Variants in MARCHF1 observed in about 807,000 individuals in gnomAD.
The protein encoded by MARCHF1 is E3 ubiquitin-protein ligase MARCHF1.
A neutral mutation model predicts 54.2 loss-of-function variants in MARCHF1; 40 were observed. The observed-to-expected ratio is 0.74, with a 90% confidence interval of 0.57 to 0.96. The LOEUF is 0.96. MARCHF1 is among the 40% of genes least tolerant of loss of function. MARCHF1 has a pLI of 0.00. For synonymous variants in MARCHF1, 236 were observed against 236.3 expected, an observed-to-expected ratio of 1.00 and a Z score of 0.01; for missense variants, 586 against 656.5, an observed-to-expected ratio of 0.89 and a Z score of 1.17.
chr4:163,967,643 C>CTGG, intron 3 of MARCHF1, among the ~76,000 whole-genome samples: 1 of 152,200 alleles, frequency 6.6e-6, no homozygotes, highest in Middle Eastern at 3.4e-3. Context: ...TCCAGAGCAA[C>CTGG]AGAAATAAGA....
intron 1 of MARCHF1, among the ~76,000 whole-genome samples, chr4:164,168,837 A>G (rs1187582423): frequency 6.6e-6 from 1 of 152,060 alleles, no homozygotes; most frequent in East Asian, 1.9e-4. Flanking sequence ...ATCCAATAAT[A>G]TAAAGTTGAT....
intron 2 of MARCHF1, among the ~76,000 whole-genome samples, chr4:164,015,905 A>ACCCC (rs1560862831): frequency 0.015 from 2,209 of 152,004 alleles, 43 homozygotes; most frequent in African/African-American, 0.047. Flanking sequence ...TTCCCCAAAA[A>ACCCC]AAAAAAAAAC....
intron 1 of MARCHF1, among the ~76,000 whole-genome samples, chr4:164,215,817 TG>T (rs1348841351): frequency 6.6e-6 from 1 of 152,202 alleles, no homozygotes; most frequent in Non-Finnish European, 1.5e-5. Flanking sequence ...AGTGATGAGT[TG>T]TGAAGGTGAA....
At chr4:163,857,255 T>A (rs1445743336) in intron 3 of MARCHF1, among the ~76,000 whole-genome samples, 2 of 152,122 alleles carry the variant, frequency 1.3e-5, no homozygotes, top group Non-Finnish European at 2.9e-5. Context: ...TTTTTTGCAT[T>A]ATCGATGCTA....
intron 3 of MARCHF1, among the ~76,000 whole-genome samples, chr4:163,972,142 G>A (rs1325295679): frequency 1.3e-5 from 2 of 151,858 alleles, no homozygotes; most frequent in Non-Finnish European, 2.9e-5. Context: ...AATGGGAGTC[G>A]AACAATGAGA....
chr4:164,308,469 C>CTT (rs113888582), intron 1 of MARCHF1, among the ~76,000 whole-genome samples: 1 of 151,100 alleles, frequency 6.6e-6, no homozygotes, highest in African/African-American at 2.4e-5. Flanking sequence ...GATCATTTTC[C>CTT]TTTTTTTTTC....
intron 2 of MARCHF1, among the ~76,000 whole-genome samples, chr4:164,103,567 C>T (rs372949562): frequency 2.1e-4 from 3 of 14,202 alleles, no homozygotes; most frequent in Admixed American, 6.8e-4. Context: ...TTGAAACCAA[C>T]GAGAACAAAG....
chr4:164,004,226 C>T (rs1753240922), intron 2 of MARCHF1, among the ~76,000 whole-genome samples: 1 of 143,854 alleles, frequency 7.0e-6, no homozygotes, highest in African/African-American at 2.5e-5. Context: ...TAGCAAACCA[C>T]CATGGCACAT....
rs151244551 is a variant in MARCHF1, at chr4:163,816,613, T to C, written c.111+37408A>G. Among the ~76,000 whole-genome samples, 916 of 152,282 alleles carry C rather than the reference T, an allele frequency of 6.0e-3. 7 individuals carry two copies. The highest frequency in any genetic ancestry group is 0.021 in the African/African-American group (868 of 41,562). On this transcript the variant is annotated intron_variant, in intron 4 of 9. Transcript: ENST00000514618. ...CAGGACTATGCATCAGGCTGTATTCTAAGAGGCATATATTTATTTGATTCT... is the reference window on the plus strand; with the variant it reads ...CAGGACTATGCATCAGGCTGTATTCCAAGAGGCATATATTTATTTGATTCT...
At chr4:164,005,774 T>C (rs1753272946) in intron 2 of MARCHF1, among the ~76,000 whole-genome samples, 1 of 152,136 alleles carries the variant, frequency 6.6e-6, no homozygotes, top group East Asian at 1.9e-4. Flanking sequence ...TCAGAGTGGC[T>C]GTTTGGCAGC....
At chr4:164,169,537 A>G (rs1260411834) in intron 1 of MARCHF1, among the ~76,000 whole-genome samples, 1 of 152,106 alleles carries the variant, frequency 6.6e-6, no homozygotes, top group Admixed American at 6.6e-5. Context: ...TACCAAGAAA[A>G]TAACTAGTTT....
At chr4:163,886,134 T>C (rs1259824994) in intron 3 of MARCHF1, among the ~76,000 whole-genome samples, 2 of 149,018 alleles carry the variant, frequency 1.3e-5, no homozygotes, top group African/African-American at 2.5e-5. Context: ...TCTAGAGAGA[T>C]AGATCTATAA....
chr4:163,674,682 C>A (rs1743852725), intron 5 of MARCHF1, among the ~76,000 whole-genome samples: 1 of 152,116 alleles, frequency 6.6e-6, no homozygotes, highest in Non-Finnish European at 1.5e-5. Flanking sequence ...AGATACCTGA[C>A]TAATGCCACT....
chr4:163,654,133 T>C (rs986955751), intron 5 of MARCHF1, among the ~76,000 whole-genome samples: 3 of 151,640 alleles, frequency 2.0e-5, no homozygotes, highest in Admixed American at 6.6e-5. Flanking sequence ...GAGAGAACCA[T>C]TGTGTTAAAT....
intron 2 of MARCHF1, among the ~76,000 whole-genome samples, chr4:164,036,924 A>C (rs1262228207): frequency 6.6e-6 from 1 of 152,234 alleles, no homozygotes; most frequent in Non-Finnish European, 1.5e-5. Context: ...TCTAGTAAAC[A>C]GATATCTCAG....
In MARCHF1 at chr4:164,324,544, T is replaced by C. The variant is rs149262613; in HGVS notation, c.-323+59326A>G. Reference sequence around the variant, plus strand: ...GAGACTCTAAGTTTAAAAATCTCTATACTCAATGTAATAATTCAATAAAGT... The same window carrying C: ...GAGACTCTAAGTTTAAAAATCTCTACACTCAATGTAATAATTCAATAAAGT... On this transcript the variant is annotated intron_variant, in intron 1 of 9. Coordinates refer to ENST00000514618, the MANE Select transcript of MARCHF1 (RefSeq NM_001394959.1). Among the ~76,000 whole-genome samples, 5 of 151,654 alleles carry C rather than the reference T, an allele frequency of 3.3e-5. No homozygotes were observed. In the East Asian group the frequency reaches 7.8e-4, roughly 24 times the overall value.
At chr4:163,780,419 T>C (rs1747429872) in intron 4 of MARCHF1, among the ~76,000 whole-genome samples, 2 of 152,230 alleles carry the variant, frequency 1.3e-5, no homozygotes, top group Non-Finnish European at 2.9e-5. Flanking sequence ...AAAATTTATA[T>C]TATCCTTTTT....
intron 1 of MARCHF1, among the ~76,000 whole-genome samples, chr4:164,221,197 C>A (rs182922193): frequency 6.6e-6 from 1 of 152,092 alleles, no homozygotes; most frequent in Middle Eastern, 3.4e-3. Flanking sequence ...ACAGTGAAAC[C>A]ATTCTTGAGA....
chr4:164,234,488 C>T lies in MARCHF1; in HGVS notation c.-322-122826G>A, dbSNP rs76027467. On this transcript the variant is annotated intron_variant, in intron 1 of 9. Coordinates refer to ENST00000514618, the MANE Select transcript of MARCHF1 (RefSeq NM_001394959.1). ...TCAGTGAAATTAATTTATTGACACT[C>T]CTATGATAGAATAAATGACCAATAC... 3.5e-3 allele frequency among the ~76,000 whole-genome samples: 536 copies of T among 152,158 alleles called. 3 individuals carry two copies. The highest frequency in any genetic ancestry group is 0.012 in the African/African-American group (515 of 41,518).
Sources: gnomAD v4.1 joint callset for allele counts (sites outside exome capture counted in the v4.1 genomes callset) on GRCh38, gnomAD v4.1.1 for gene constraint, MANE v1.5 for transcripts, NCBI Gene and HGNC (gene_info 2026-07-23, HGNC 2026-07-21) for gene names.